ZNF827: variants seen among roughly 807,000 people sequenced by gnomAD.
ZNF827 encodes the protein zinc finger protein 827.
ZNF827 carries 13 observed loss-of-function variants against 102.4 expected under a neutral mutation model. The observed-to-expected ratio is 0.13, with a 90% confidence interval of 0.08 to 0.20. The LOEUF (loss-of-function observed/expected upper bound fraction) is 0.20, where lower values mean the gene tolerates loss of function less well. Among genes scored for constraint, ZNF827 ranks in the 10% least tolerant of loss-of-function variants. The probability of loss-of-function intolerance (pLI) is 1.00; values close to 1 mark genes in which losing one functional copy is unlikely to be tolerated. For synonymous variants in ZNF827, 523 were observed against 536.2 expected, an observed-to-expected ratio of 0.98 and a Z score of 0.34; for missense variants, 1,103 against 1,344.4, an observed-to-expected ratio of 0.82 and a Z score of 2.81.
chr4:145,914,544 G>A (rs1752535856), intron 1 of ZNF827, among the ~76,000 whole-genome samples: 1 of 152,174 alleles, frequency 6.6e-6, no homozygotes, highest in Admixed American at 6.5e-5. Context: ...CTATCAAGTG[G>A]TCAAATGTAT....
rs1024658813 is a variant in ZNF827 at position 145,902,101 on chromosome 4, G to A, written c.1093+65C>T. The A allele has an allele frequency of 2.2e-5, 33 of 1,514,300 alleles. No individual in the cohort carries two copies. Among genetic ancestry groups the A allele is most frequent in the African/African-American group, 2.8e-5 (2 of 71,622 alleles). 93.8% of individuals were successfully genotyped at this position (1,514,300 alleles called of 1,614,324 possible). A position where few individuals can be genotyped will look rare whatever the true frequency, so the allele number is the denominator to read the frequency against. On this transcript the variant is annotated intron_variant, in intron 2 of 14. Transcript: ENST00000508784. The surrounding 1 kb of genome is among the most constrained non-coding windows in gnomAD (Gnocchi z 4.3). The stretch of plus-strand genomic sequence containing the variant: ...GGGGAACCCAACTGAAAAAAGCAAT[G>A]AATAAGACATCGCAGTTTATAGTCT...
At chr4:145,845,133 G>T (rs930551531) in intron 7 of ZNF827, among the ~76,000 whole-genome samples, 2 of 152,210 alleles carry the variant, frequency 1.3e-5, no homozygotes, top group Non-Finnish European at 2.9e-5. Flanking sequence ...AAATTGGAGG[G>T]AGGTTTGAAA....
intron 7 of ZNF827, among the ~76,000 whole-genome samples, chr4:145,840,153 T>C (rs1365907795): frequency 2.0e-5 from 3 of 152,250 alleles, no homozygotes; most frequent in African/African-American, 4.8e-5. Flanking sequence ...TGTATCTCCA[T>C]TGTTTTCAAG....
At chr4:145,868,470 T>C (rs530736590) in intron 5 of ZNF827, among the ~76,000 whole-genome samples, 2 of 152,214 alleles carry the variant, frequency 1.3e-5, no homozygotes, top group Admixed American at 6.5e-5. Flanking sequence ...CATTCAACTA[T>C]TGCTGAACCC....
In ZNF827 at chr4:145,789,881, G is replaced by A. The variant is rs60113520; in HGVS notation, c.2384-10370C>T. Among the ~76,000 whole-genome samples the A allele has an allele frequency of 7.7e-4, 117 of 152,326 alleles. 2 individuals are homozygous for A. The highest frequency in any genetic ancestry group is 2.7e-3 in the African/African-American group (111 of 41,582). On this transcript the variant is annotated intron_variant, in intron 8 of 14. Transcript: ENST00000508784. ...TAAATGCTTCCCCCAGGGCCTGCCT[G>A]GAGAGAGAATGGTGGAATTTGGAGG...
intron 1 of ZNF827, among the ~76,000 whole-genome samples, chr4:145,912,851 T>TA (rs1264956050): frequency 6.6e-6 from 1 of 152,250 alleles, no homozygotes; most frequent in African/African-American, 2.4e-5. Context: ...TTCTGTTGTT[T>TA]AAGCACTGGT....
intron 7 of ZNF827, among the ~76,000 whole-genome samples, chr4:145,830,030 G>A (rs1744050974): frequency 6.6e-6 from 1 of 152,182 alleles, no homozygotes; most frequent in Non-Finnish European, 1.5e-5. Context: ...AGAAAAGGCA[G>A]GCAACAGATG....
chr4:145,831,437 G>A (rs983083853), intron 7 of ZNF827: 2 of 152,240 alleles, frequency 1.3e-5, no homozygotes, highest in African/African-American at 4.8e-5. Flanking sequence ...AATCGAGGCT[G>A]GCATTGCAGA....
Position 145,902,124 on chromosome 4 carries a change from T to C in ZNF827, c.1093+42A>G, listed in dbSNP as rs1303145651. 1 of 1,542,146 alleles carries C rather than the reference T, an allele frequency of 6.5e-7. No individual in the cohort carries two copies. Among genetic ancestry groups the C allele is most frequent in the South Asian group, 1.3e-5 (1 of 76,810 alleles). The stretch of plus-strand genomic sequence containing the variant: ...ATGAATAAGACATCGCAGTTTATAG[T>C]CTAAAGGACTTACACGATGATTGAA... On this transcript the variant is annotated intron_variant, in intron 2 of 14. Coordinates refer to ENST00000508784, the MANE Select transcript of ZNF827 (RefSeq NM_001306215.2). The surrounding 1 kb of genome is among the most constrained non-coding windows in gnomAD (Gnocchi z 4.3).
chr4:145,896,683 C>T (rs1272593572), intron 2 of ZNF827, among the ~76,000 whole-genome samples: 1 of 152,204 alleles, frequency 6.6e-6, no homozygotes, highest in East Asian at 1.9e-4. Context: ...GTATGTATGC[C>T]TTTCACATAG....
intron 2 of ZNF827, among the ~76,000 whole-genome samples, chr4:145,894,351 A>G (rs556042198): frequency 6.6e-6 from 1 of 152,340 alleles, no homozygotes; most frequent in Non-Finnish European, 1.5e-5. Flanking sequence ...ATTAAAAGGA[A>G]GGAATCAGGA....
intron 8 of ZNF827, among the ~76,000 whole-genome samples, chr4:145,816,833 GA>G (rs1742638354): frequency 6.6e-6 from 1 of 152,176 alleles, no homozygotes; most frequent in South Asian, 2.1e-4. Context: ...AACAGGAGAA[GA>G]TATATCAACC....
chr4:145,761,156 G>C lies in ZNF827; in HGVS notation c.*460C>G. 3 of 1,289,862 alleles carry C rather than the reference G, an allele frequency of 2.3e-6. No individual in the cohort carries two copies. The highest frequency in any genetic ancestry group is 2.3e-5 in the Admixed American group (1 of 43,578). The allele number at this position is 1,289,862 out of a possible 1,614,324, so 79.9% of individuals were successfully genotyped here. On this transcript the variant is annotated 3_prime_UTR_variant, in exon 15 of 15. Transcript: ENST00000508784. This position sits in a 1 kb window ranked among gnomAD's most constrained non-coding sequence, Gnocchi z 6.8. ...GGGCCGGCCGGTTCCTTGGGGGCTG[G>C]ACACAGGCCCTTCTTGTCCTCCTCG...
intron 8 of ZNF827, among the ~76,000 whole-genome samples, chr4:145,794,207 T>C (rs1487345338): frequency 1.3e-5 from 2 of 152,218 alleles, no homozygotes; most frequent in African/African-American, 2.4e-5. Context: ...TTGCATTTAA[T>C]ACTAATATGG....
At chr4:145,918,536 T>G (rs1752848675) in intron 1 of ZNF827, among the ~76,000 whole-genome samples, 1 of 150,606 alleles carries the variant, frequency 6.6e-6, no homozygotes, top group Admixed American at 6.6e-5. Context: ...TTCCGATATA[T>G]GGCAACAAGT....
chr4:145,932,816 G>A (rs925101528), intron 1 of ZNF827, among the ~76,000 whole-genome samples: 4 of 152,122 alleles, frequency 2.6e-5, no homozygotes, highest in African/African-American at 9.7e-5. Context: ...AGCCTGCATC[G>A]TCACTCCACC....
chr4:145,811,877 A>T (rs769723144), intron 8 of ZNF827, among the ~76,000 whole-genome samples: 4 of 152,184 alleles, frequency 2.6e-5, no homozygotes, highest in Non-Finnish European at 4.4e-5. Context: ...AACATCTGTT[A>T]GCTCAGAGAT....
rs571987090 is a variant in ZNF827 at position 145,802,121 on chromosome 4, G to A, written c.2383+21301C>T. Among the ~76,000 whole-genome samples, 4 of 152,274 alleles carry A rather than the reference G, an allele frequency of 2.6e-5. No individual in the cohort carries two copies. The East Asian group carries it at 5.8e-4, about 22-fold the overall frequency. On this transcript the variant is annotated intron_variant, in intron 8 of 14. Transcript: ENST00000508784. ...ACTAAAGACTTGTTTCAGATACTAA[G>A]AGCTCTAAGAGTTCAATTAAATGGC...
chr4:145,808,490 C>T lies in ZNF827; in HGVS notation c.2383+14932G>A, dbSNP rs546775323. Among the ~76,000 whole-genome samples the T allele has an allele frequency of 7.2e-4, 110 of 152,184 alleles. 2 individuals carry two copies. Among genetic ancestry groups the T allele is most frequent in the Non-Finnish European group, 1.4e-3 (95 of 68,022 alleles). ...GTGACTCATTCCTAGATACTTAGGGCGGAGAAACTAGATTCTGCAGCTGGA... is the reference window on the plus strand; with the variant it reads ...GTGACTCATTCCTAGATACTTAGGGTGGAGAAACTAGATTCTGCAGCTGGA... On this transcript the variant is annotated intron_variant, in intron 8 of 14. Coordinates refer to ENST00000508784, the MANE Select transcript of ZNF827 (RefSeq NM_001306215.2).
Sources: allele counts gnomAD v4.1 joint callset (sites outside exome capture counted in the v4.1 genomes callset), GRCh38; gene constraint gnomAD v4.1.1; non-coding constraint Gnocchi (gnomAD v3.1); transcripts MANE v1.5; gene names NCBI Gene and HGNC (gene_info 2026-07-23, HGNC 2026-07-21).